Variants in OGFOD3 observed in about 807,000 individuals in gnomAD.
OGFOD3 encodes the protein 2-oxoglutarate and iron dependent oxygenase domain containing 3.
A neutral mutation model predicts 39.8 loss-of-function variants in OGFOD3; 35 were observed. That is an observed-to-expected ratio of 0.88 (90% CI 0.67 to 1.17). The LOEUF (loss-of-function observed/expected upper bound fraction) is 1.17, where lower values mean the gene tolerates loss of function less well. Among genes scored for constraint, OGFOD3 ranks in the 50% most tolerant of loss-of-function variants. The probability of loss-of-function intolerance (pLI) is 0.00; values close to 1 mark genes in which losing one functional copy is unlikely to be tolerated. For synonymous variants in OGFOD3, 200 were observed against 192.0 expected (o/e 1.04, Z -0.34); for missense variants, 438 against 454.5 (o/e 0.96, Z 0.33).
intron 7 of OGFOD3, 98 bp downstream of exon 7, chr17:82,403,839 A>G (rs2052806212): frequency 6.7e-7 from 1 of 1,482,828 alleles, no homozygotes; most frequent in African/African-American, 1.4e-5. Context: ...CACCTTGTCC[A>G]CGAGCGCGCT....
At chr17:82,398,394 T>C in intron 7 of OGFOD3, 75 bp from the exon 8 acceptor site, 3 of 1,547,606 alleles carry the variant, frequency 1.9e-6, no homozygotes, top group Non-Finnish European at 2.6e-6. Context: ...CTTCTCTCTC[T>C]TATTTTTTGT....
intron 3 of OGFOD3, among the ~76,000 whole-genome samples, chr17:82,409,760 T>A (rs975648932): frequency 1.3e-5 from 2 of 152,174 alleles, no homozygotes; most frequent in Admixed American, 1.3e-4. Flanking sequence ...CCAGCTGTGA[T>A]GGCAGGTGCC....
At position 82,415,771 on chromosome 17, in the gene OGFOD3, G is replaced by A. The variant is rs2053023319; in HGVS notation, c.75-144C>T. 1.5e-5 allele frequency: 10 copies of A among 679,484 alleles called. No individual in the cohort carries two copies. Among genetic ancestry groups the A allele is most frequent in the Admixed American group, 5.9e-5 (2 of 34,122 alleles). 42.1% of individuals were successfully genotyped at this position (679,484 alleles called of 1,614,324 possible). ...CGAGGGCTTCCTGCCTGGGGCCAGC[G>A]CTGTCCACTCAGGAAACACGGACTC... On this transcript the variant is annotated intron_variant, in intron 1 of 8. Coordinates refer to ENST00000313056, the MANE Select transcript of OGFOD3 (RefSeq NM_024648.3). The surrounding 1 kb of genome is among the most constrained non-coding windows in gnomAD (Gnocchi z 5.3).
rs894376279 is a variant in OGFOD3, at chr17:82,411,449, G to A, written c.380+6C>T. ...AATCCCACCGTGCTCAGGGACAGGC[G>A]GTTACCTGCGAATCCGCTCCGCTTC... is the stretch of plus-strand genomic sequence containing the variant. On this transcript the variant is annotated splice_donor_region_variant and intron_variant, in intron 3 of 8. Coordinates refer to ENST00000313056, the MANE Select transcript of OGFOD3 (RefSeq NM_024648.3). 8.7e-6 allele frequency: 14 copies of A among 1,613,504 alleles called. No homozygotes were observed. The highest frequency in any genetic ancestry group is 4.0e-5 in the African/African-American group (3 of 74,936).
At position 82,392,298 on chromosome 17, in the gene OGFOD3, A is replaced by G. The variant is rs564648505; in HGVS notation, c.*100T>C. 70 of 1,293,448 alleles carry G rather than the reference A, an allele frequency of 5.4e-5. No homozygotes were observed. Among genetic ancestry groups the G allele is most frequent in the Non-Finnish European group, 6.9e-5 (65 of 939,972 alleles). 80.1% of individuals were successfully genotyped at this position (1,293,448 alleles called of 1,614,324 possible). Reference sequence around the variant, plus strand: ...ATCAAAATCAGAGAATTCCTAAGGCACTCTGTGCAACAGGAGCGGGTGGAC... The same window carrying G: ...ATCAAAATCAGAGAATTCCTAAGGCGCTCTGTGCAACAGGAGCGGGTGGAC... On this transcript the variant is annotated 3_prime_UTR_variant, in exon 9 of 9. Coordinates refer to ENST00000313056, the MANE Select transcript of OGFOD3 (RefSeq NM_024648.3). The surrounding 1 kb of genome is among the most constrained non-coding windows in gnomAD (Gnocchi z 4.2).
Position 82,406,451 on chromosome 17 carries a change from A to T in OGFOD3, c.455T>A (p.Leu152Gln). The T allele has an allele frequency of 6.2e-7, 1 of 1,614,006 alleles. No homozygotes were observed. Among genetic ancestry groups the T allele is most frequent in the Non-Finnish European group, 8.5e-7 (1 of 1,179,876 alleles). Residue 152 changes from leucine (L) to glutamine (Q), a missense_variant, in exon 5 of 9, where the codon CTG (leucine) becomes CAG (glutamine). Leu to Gln is a moderately radical substitution (Grantham distance 113). Coordinates refer to ENST00000313056, the MANE Select transcript of OGFOD3 (RefSeq NM_024648.3). This position sits in a 1 kb window ranked among gnomAD's most constrained non-coding sequence, Gnocchi z 5.2. ...ASILDLHSGA[L>Q]SVGKHFVNLY... Reference sequence around the variant, plus strand: ...GTTCACAAAGTGCTTCCCGACAGACAGGGCCCCTGAGTGCAAGTCCAGAAT... The same window carrying T: ...GTTCACAAAGTGCTTCCCGACAGACTGGGCCCCTGAGTGCAAGTCCAGAAT...
At chr17:82,417,701 T>C in intron 1 of OGFOD3, among the ~76,000 whole-genome samples, 1 of 150,200 alleles carries the variant, frequency 6.7e-6, no homozygotes, top group Non-Finnish European at 1.5e-5. Flanking sequence ...GCAGCTGAGA[T>C]GAAAAAGGGA....
At chr17:82,414,901 C>T (rs756617438) in intron 2 of OGFOD3, among the ~76,000 whole-genome samples, 16 of 152,170 alleles carry the variant, frequency 1.1e-4, no homozygotes, top group Non-Finnish European at 2.2e-4. Flanking sequence ...AGGCCGTGCG[C>T]TCTCCAAGGT....
intron 8 of OGFOD3, among the ~76,000 whole-genome samples, chr17:82,397,267 C>T (rs536767521): frequency 3.4e-4 from 51 of 152,056 alleles, no homozygotes; most frequent in African/African-American, 9.9e-4. Context: ...GAGGAACACC[C>T]GTGCTGAGAG....
In OGFOD3 at chr17:82,391,325, G is replaced by A. The variant is rs543559361; in HGVS notation, c.*1073C>T. The A allele has an allele frequency of 6.6e-6, 1 of 152,514 alleles. No individual in the cohort carries two copies. Among genetic ancestry groups the A allele is most frequent in the Non-Finnish European group, 1.5e-5 (1 of 68,192 alleles). 9.4% of individuals were successfully genotyped at this position (152,514 alleles called of 1,614,324 possible). A position where few individuals can be genotyped will look rare whatever the true frequency, so the allele number is the denominator to read the frequency against. ...GGCCTCTCCACAACTGGTCTATTCG[G>A]GGCTCCTCTGACCACCACTTTATTT... On this transcript the variant is annotated 3_prime_UTR_variant, in exon 9 of 9. Transcript: ENST00000313056. The surrounding 1 kb of genome is among the most constrained non-coding windows in gnomAD (Gnocchi z 5.1).
chr17:82,392,328 G>A lies in OGFOD3; in HGVS notation c.*70C>T, dbSNP rs1323459397. The A allele has an allele frequency of 1.3e-6, 2 of 1,533,352 alleles. No individual in the cohort carries two copies. Among genetic ancestry groups the A allele is most frequent in the Non-Finnish European group, 1.8e-6 (2 of 1,132,158 alleles). The allele number at this position is 1,533,352 out of a possible 1,614,324, so 95.0% of individuals were successfully genotyped here. A position where few individuals can be genotyped will look rare whatever the true frequency, so the allele number is the denominator to read the frequency against. On this transcript the variant is annotated 3_prime_UTR_variant, in exon 9 of 9. Coordinates refer to ENST00000313056, the MANE Select transcript of OGFOD3 (RefSeq NM_024648.3). This position sits in a 1 kb window ranked among gnomAD's most constrained non-coding sequence, Gnocchi z 4.2. ...GTGCAACAGGAGCGGGTGGACGTGGGGGTGGGTGCACGACTGGCGCGGCTG... is the reference window on the plus strand; with the variant it reads ...GTGCAACAGGAGCGGGTGGACGTGGAGGTGGGTGCACGACTGGCGCGGCTG...
intron 4 of OGFOD3, among the ~76,000 whole-genome samples, chr17:82,407,557 G>A (rs1194487138): frequency 6.6e-6 from 1 of 152,186 alleles, no homozygotes; most frequent in Non-Finnish European, 1.5e-5. Context: ...CCACCTCTCA[G>A]TCCTTCCCTA....
At chr17:82,417,028 C>T (rs2053064411) in intron 1 of OGFOD3, among the ~76,000 whole-genome samples, 1 of 151,972 alleles carries the variant, frequency 6.6e-6, no homozygotes, top group Non-Finnish European at 1.5e-5. Context: ...AACTGGTACT[C>T]GGTATTTCAG....
chr17:82,412,383 G>A (rs2052962999), intron 2 of OGFOD3, among the ~76,000 whole-genome samples: 1 of 135,840 alleles, frequency 7.4e-6, no homozygotes, highest in Non-Finnish European at 1.6e-5. Flanking sequence ...TGGTTATCGG[G>A]GCAGGGGCAT....
rs1399660723 is a variant in OGFOD3 at position 82,409,402 on chromosome 17, T to G, written c.389A>C (p.Glu130Ala). ...EEAERIRSVA[E>A]KGLSLGGSDG... ...AGATCCTCCCAGGGAGAGCCCCTTT[T>G]CAGCTACGCTGCAGGGAGAAAATAA... The change falls in exon 4 of 9, where the codon GAA (glutamate) becomes GCA (alanine). Residue 130 changes from glutamate to alanine, a missense_variant. Coordinates refer to ENST00000313056, the MANE Select transcript of OGFOD3 (RefSeq NM_024648.3). The G allele has an allele frequency of 6.2e-7, 1 of 1,614,054 alleles. No homozygotes were observed. The highest frequency in any genetic ancestry group is 2.2e-5 in the East Asian group (1 of 44,894).
rs1451107828 is a variant in OGFOD3, at chr17:82,392,516, G to A, written c.842C>T (p.Thr281Ile). ...GCGGTGTAGGTTCTCGGACCCCGAG[G>A]TGAAGAAGGAGACGCGACCTGGGAG... ...EPRAGRVSFF[T>I]SGSENLHRVE... is the part of the protein sequence containing the mutation. The change falls in exon 9 of 9, where the codon ACC becomes ATC. Residue 281 changes from threonine to isoleucine, a missense_variant. By Grantham distance (89) the Thr-to-Ile change is moderately conservative (BLOSUM62 -1). Transcript: ENST00000313056. This position sits in a 1 kb window ranked among gnomAD's most constrained non-coding sequence, Gnocchi z 4.2. 1 of 1,595,810 alleles carries A rather than the reference G, an allele frequency of 6.3e-7. No homozygotes were observed. The highest frequency in any genetic ancestry group is 1.8e-5 in the Admixed American group (1 of 56,750).
Position 82,406,454 on chromosome 17 carries a change from GC to G in OGFOD3, c.451del (p.Ala151ProfsTer9). The G allele has an allele frequency of 6.2e-7, 1 of 1,614,168 alleles. No individual in the cohort carries two copies. The highest frequency in any genetic ancestry group is 1.1e-5 in the South Asian group (1 of 91,088). On this transcript the variant is annotated frameshift_variant, in exon 5 of 9. Transcript: ENST00000313056. LOFTEE classifies it high-confidence loss of function. This position sits in a 1 kb window ranked among gnomAD's most constrained non-coding sequence, Gnocchi z 5.2. ...GASILDLHSG[A>X]LSVGKHFVNL... The stretch of plus-strand genomic sequence containing the variant: ...CACAAAGTGCTTCCCGACAGACAGG[GC>G]CCCTGAGTGCAAGTCCAGAATGGAT...
chr17:82,402,091 C>T (rs936609086), intron 7 of OGFOD3, among the ~76,000 whole-genome samples: 1 of 152,136 alleles, frequency 6.6e-6, no homozygotes, highest in Non-Finnish European at 1.5e-5. Flanking sequence ...TAAAGAATTG[C>T]TATAATACCA....
At chr17:82,416,573 A>T (rs777858131) in intron 1 of OGFOD3, among the ~76,000 whole-genome samples, 2 of 152,202 alleles carry the variant, frequency 1.3e-5, no homozygotes, top group Non-Finnish European at 2.9e-5. Context: ...CCCAACAATG[A>T]TAAGAGAGGG....
Sources: allele counts gnomAD v4.1 joint callset (sites outside exome capture counted in the v4.1 genomes callset), GRCh38; gene constraint gnomAD v4.1.1; non-coding constraint Gnocchi (gnomAD v3.1); transcripts MANE v1.5; gene names NCBI Gene and HGNC (gene_info 2026-07-23, HGNC 2026-07-21).